Variants in CTDSPL2 observed in about 807,000 individuals in gnomAD.
CTDSPL2 encodes CTD small phosphatase like 2, also known as CTD small phosphatase-like protein 2.
CTDSPL2 carries 5 observed loss-of-function variants against 60.0 expected under a neutral mutation model. The observed-to-expected ratio is 0.08, with a 90% CI of 0.04 to 0.18. CTDSPL2 has a LOEUF of 0.18. Ranked by LOEUF, CTDSPL2 falls within the 10% of genes least tolerant of loss-of-function variation. The probability of loss-of-function intolerance (pLI) is 1.00; values close to 1 mark genes in which losing one functional copy is unlikely to be tolerated. For missense variants in CTDSPL2, 370 were observed against 548.8 expected (o/e 0.67, Z 3.26); for synonymous variants, 186 against 189.3 (o/e 0.98, Z 0.14).
chr15:44,451,660 G>A (rs189173219), intron 1 of CTDSPL2, among the ~76,000 whole-genome samples: 168 of 151,950 alleles, frequency 1.1e-3, no homozygotes, highest in Middle Eastern at 6.8e-3. Flanking sequence ...TTGAAAACTG[G>A]CCATTTTAGA....
chr15:44,467,819 C>G (rs1483727146), intron 2 of CTDSPL2, among the ~76,000 whole-genome samples: 4 of 152,222 alleles, frequency 2.6e-5, no homozygotes, highest in Admixed American at 2.0e-4. Context: ...AAGTGATCTA[C>G]TCGCCTCGGC....
At chr15:44,451,489 C>G (rs1245067182) in intron 1 of CTDSPL2, among the ~76,000 whole-genome samples, 1 of 152,158 alleles carries the variant, frequency 6.6e-6, no homozygotes, top group Non-Finnish European at 1.5e-5. Context: ...TTTTCCAACT[C>G]TTAAGGGATC....
chr15:44,459,423 A>C (rs2080516780), intron 2 of CTDSPL2, among the ~76,000 whole-genome samples: 1 of 152,138 alleles, frequency 6.6e-6, no homozygotes, highest in African/African-American at 2.4e-5. Flanking sequence ...GCTACTCGGG[A>C]GGCTGAGGCA....
chr15:44,529,002 GGTT>G lies in CTDSPL2; in HGVS notation c.*4834_*4836del, dbSNP rs1384212361. On this transcript the variant is annotated 3_prime_UTR_variant, in exon 13 of 13. Transcript: ENST00000260327. ...ATGCCCTGATCACCCTACCTCACAG[GGTT>G]GTTGTGGGGATAAATAAAACTTTTA... The G allele has an allele frequency of 1.3e-5, 2 of 152,108 alleles. No homozygotes were observed. Among genetic ancestry groups the G allele is most frequent in the Non-Finnish European group, 2.9e-5 (2 of 68,006 alleles). 9.4% of individuals were successfully genotyped at this position (152,108 alleles called of 1,614,324 possible). A position where few individuals can be genotyped will look rare whatever the true frequency, so the allele number is the denominator to read the frequency against.
chr15:44,475,215 A>G (rs2080891919), intron 2 of CTDSPL2, among the ~76,000 whole-genome samples: 1 of 151,996 alleles, frequency 6.6e-6, no homozygotes, highest in Non-Finnish European at 1.5e-5. Flanking sequence ...TTAACTTAGC[A>G]TTGGAAAGTG....
chr15:44,501,940 A>G, intron 8 of CTDSPL2: 1 of 454,242 alleles, frequency 2.2e-6, no homozygotes, highest in Non-Finnish European at 4.4e-6. Context: ...TAAACAGGGA[A>G]TGATGTCTTT....
At position 44,528,882 on chromosome 15, in the gene CTDSPL2, T is replaced by C. The variant is rs1397103964; in HGVS notation, c.*4708T>C. Reference sequence around the variant, plus strand: ...GTTTCCACGTGAATCAATATTAAAGTCATGGACATTTTAAAATCTCAATTT... The same window carrying C: ...GTTTCCACGTGAATCAATATTAAAGCCATGGACATTTTAAAATCTCAATTT... On this transcript the variant is annotated 3_prime_UTR_variant, in exon 13 of 13. Coordinates refer to ENST00000260327, the MANE Select transcript of CTDSPL2 (RefSeq NM_016396.3). The C allele has an allele frequency of 6.6e-6, 1 of 152,176 alleles. No individual in the cohort carries two copies. The highest frequency in any genetic ancestry group is 6.5e-5 in the Admixed American group (1 of 15,278). The allele number at this position is 152,176 out of a possible 1,614,324, so 9.4% of individuals were successfully genotyped here.
At chr15:44,491,858 G>T (rs1387585163) in intron 5 of CTDSPL2, among the ~76,000 whole-genome samples, 12 of 152,030 alleles carry the variant, frequency 7.9e-5, no homozygotes, top group Admixed American at 7.9e-4. Context: ...ACCAGCCTGG[G>T]CAAAAGAGCC....
intron 1 of CTDSPL2, among the ~76,000 whole-genome samples, chr15:44,457,884 T>G (rs2080482045): frequency 6.6e-6 from 1 of 152,278 alleles, no homozygotes; most frequent in Admixed American, 6.5e-5. Flanking sequence ...AGTGCTGGGA[T>G]TACAGGTGTG....
At chr15:44,454,817 TTG>T (rs1480598170) in intron 1 of CTDSPL2, among the ~76,000 whole-genome samples, 2 of 152,246 alleles carry the variant, frequency 1.3e-5, no homozygotes, top group Non-Finnish European at 2.9e-5. Context: ...CCATGCTGTT[TTG>T]GTTACTGTAG....
chr15:44,500,450 T>A (rs1392483856), intron 8 of CTDSPL2, among the ~76,000 whole-genome samples: 1 of 152,198 alleles, frequency 6.6e-6, no homozygotes, highest in African/African-American at 2.4e-5. Context: ...TATTATAAGA[T>A]TGAGTTAATA....
chr15:44,519,570 G>A (rs753376564), intron 11 of CTDSPL2: 13 of 243,846 alleles, frequency 5.3e-5, no homozygotes, highest in Non-Finnish European at 8.6e-5. Flanking sequence ...TATTAAATCA[G>A]TAATTAGTAA....
intron 12 of CTDSPL2, among the ~76,000 whole-genome samples, chr15:44,521,937 CA>C (rs904398715): frequency 1.3e-4 from 8 of 60,778 alleles, no homozygotes; most frequent in African/African-American, 6.7e-4. Flanking sequence ...GACTCCGTCT[CA>C]AAAAAAAAAA....
chr15:44,521,739 C>T (rs529911078), intron 12 of CTDSPL2, among the ~76,000 whole-genome samples: 2 of 151,498 alleles, frequency 1.3e-5, no homozygotes, highest in Admixed American at 6.6e-5. Flanking sequence ...GAGATCGAGA[C>T]CATCCTGGCT....
Position 44,527,992 on chromosome 15 carries a change from T to C in CTDSPL2, c.*3818T>C, listed in dbSNP as rs573624659. The C allele has an allele frequency of 5.9e-5, 9 of 152,330 alleles. No individual in the cohort carries two copies. Among genetic ancestry groups the C allele is most frequent in the African/African-American group, 1.9e-4 (8 of 41,588 alleles). The allele number at this position is 152,330 out of a possible 1,614,324, so 9.4% of individuals were successfully genotyped here. A position where few individuals can be genotyped will look rare whatever the true frequency, so the allele number is the denominator to read the frequency against. On this transcript the variant is annotated 3_prime_UTR_variant, in exon 13 of 13. Transcript: ENST00000260327. ...ATGAACCACAAAACTCAGTATCTTA[T>C]ATTTAAATGCTACTTAAGTTATTAT...
intron 12 of CTDSPL2, among the ~76,000 whole-genome samples, chr15:44,521,958 A>AAAAC (rs1202533044): frequency 6.7e-6 from 1 of 150,060 alleles, no homozygotes; most frequent in African/African-American, 2.4e-5. Flanking sequence ...AAAAAAAAAA[A>AAAAC]AAAAACATGA....
chr15:44,516,342 G>A (rs748720955), intron 10 of CTDSPL2, among the ~76,000 whole-genome samples: 28 of 152,134 alleles, frequency 1.8e-4, no homozygotes, highest in Non-Finnish European at 5.9e-5. Context: ...ATTTTCTGCT[G>A]TTAACAGTAC....
At chr15:44,523,131 G>A (rs1158486674) in intron 12 of CTDSPL2, among the ~76,000 whole-genome samples, 1 of 152,054 alleles carries the variant, frequency 6.6e-6, no homozygotes, top group African/African-American at 2.4e-5. Flanking sequence ...CAAGTAGCTG[G>A]GATTACAGGC....
intron 2 of CTDSPL2, among the ~76,000 whole-genome samples, chr15:44,477,040 A>C (rs966538058): frequency 1.3e-5 from 2 of 152,184 alleles, no homozygotes; most frequent in African/African-American, 4.8e-5. Flanking sequence ...CCTGTGCAAC[A>C]TAGTAAGACC....
Sources: gnomAD v4.1 joint callset for allele counts (sites outside exome capture counted in the v4.1 genomes callset) on GRCh38, gnomAD v4.1.1 for gene constraint, MANE v1.5 for transcripts, NCBI Gene and HGNC (gene_info 2026-07-23, HGNC 2026-07-21) for gene names.